The following WWOX variants were observed in gnomAD, a reference collection of about 807,000 sequenced individuals.
The protein encoded by WWOX is WW domain containing oxidoreductase, also known as WW domain-containing oxidoreductase.
In WWOX, 69 loss-of-function variants were observed where a neutral mutation model predicts 46.2. That is an observed-to-expected ratio of 1.49 (90% confidence interval 1.23 to 1.82). The LOEUF is 1.82. WWOX is among the 40% of genes most tolerant of loss of function. WWOX has a pLI of 0.00. For missense variants in WWOX, 919 were observed against 542.6 expected (o/e 1.69, Z -6.89); for synonymous variants, 359 against 202.6 (o/e 1.77, Z -6.56).
chr16:78,981,761 C>T (rs1317117089), intron 8 of WWOX: 3 of 152,204 alleles, frequency 2.0e-5, no homozygotes, highest in Admixed American at 1.3e-4. Context: ...TACATCCCTG[C>T]ACGGTAGATA....
chr16:78,616,844 C>A (rs956993362), intron 8 of WWOX, among the ~76,000 whole-genome samples: 1 of 152,092 alleles, frequency 6.6e-6, no homozygotes, highest in African/African-American at 2.4e-5. Context: ...ATAATTACCT[C>A]CCAAAGTCCG....
At chr16:79,090,674 G>A (rs2048941731) in intron 8 of WWOX, among the ~76,000 whole-genome samples, 1 of 152,186 alleles carries the variant, frequency 6.6e-6, no homozygotes, top group Non-Finnish European at 1.5e-5. Flanking sequence ...TGCAAGGGAG[G>A]AGGGGACGGC....
chr16:78,413,473 G>C (rs1420074019), intron 6 of WWOX, among the ~76,000 whole-genome samples: 1 of 152,172 alleles, frequency 6.6e-6, no homozygotes, highest in Non-Finnish European at 1.5e-5. Context: ...ATCTCACAAA[G>C]TACATTCTCA....
At chr16:78,732,084 A>C (rs556362981) in intron 8 of WWOX, among the ~76,000 whole-genome samples, 4 of 152,208 alleles carry the variant, frequency 2.6e-5, no homozygotes, top group East Asian at 3.9e-4. Context: ...GGCTAGTCTC[A>C]AACTCATGCC....
chr16:78,346,855 C>CT (rs1362237808), intron 5 of WWOX, among the ~76,000 whole-genome samples: 1 of 119,214 alleles, frequency 8.4e-6, no homozygotes, highest in Admixed American at 8.2e-5. Context: ...CAGAAGCCTG[C>CT]TACCATGCCT....
intron 8 of WWOX, among the ~76,000 whole-genome samples, chr16:78,878,034 A>T (rs1305776580): frequency 6.6e-6 from 1 of 152,190 alleles, no homozygotes; most frequent in Non-Finnish European, 1.5e-5. Flanking sequence ...TTGCGTCACC[A>T]GAGAGGAAGA....
At chr16:78,774,611 C>G (rs1275142377) in intron 8 of WWOX, among the ~76,000 whole-genome samples, 1 of 151,824 alleles carries the variant, frequency 6.6e-6, no homozygotes, top group Non-Finnish European at 1.5e-5. Flanking sequence ...TAAGGTAGTT[C>G]CTGGCACATG....
intron 7 of WWOX, among the ~76,000 whole-genome samples, chr16:78,431,620 G>C (rs75329709): frequency 0.011 from 1,694 of 151,342 alleles, 24 homozygotes; most frequent in African/African-American, 0.039. Context: ...GGTGGGGAGA[G>C]AGTTCAGTAT....
chr16:78,526,352 C>G (rs957664905), intron 8 of WWOX: 2 of 152,264 alleles, frequency 1.3e-5, no homozygotes, highest in African/African-American at 4.8e-5. Flanking sequence ...GCTGAGCCCC[C>G]CTTCCACTGG....
At chr16:79,207,740 T>G (rs1188657777) in intron 8 of WWOX, among the ~76,000 whole-genome samples, 1 of 152,208 alleles carries the variant, frequency 6.6e-6, no homozygotes, top group Admixed American at 6.5e-5. Flanking sequence ...CCTGTGAGTA[T>G]TATATTAGAG....
chr16:78,959,772 C>A (rs1045519365), intron 8 of WWOX, among the ~76,000 whole-genome samples: 12 of 152,142 alleles, frequency 7.9e-5, no homozygotes, highest in African/African-American at 2.4e-4. Flanking sequence ...GAATCCGAGA[C>A]AAGTGAGGGA....
rs551052319 is a variant in WWOX, at chr16:78,268,222, GA to G, written c.516+103937del. 2.3e-3 allele frequency among the ~76,000 whole-genome samples: 348 copies of G among 152,250 alleles called. 1 individual carries two copies. Among genetic ancestry groups the G allele is most frequent in the African/African-American group, 7.8e-3 (326 of 41,548 alleles). ...TTGAAAAGTGGCTACAAATAAAAGG[GA>G]AAATATAGTATTCCTTAAAAAAAAA... On this transcript the variant is annotated intron_variant, in intron 5 of 8. Transcript: ENST00000566780.
intron 5 of WWOX, among the ~76,000 whole-genome samples, chr16:78,213,853 A>T (rs2036634981): frequency 6.6e-6 from 1 of 152,170 alleles, no homozygotes; most frequent in African/African-American, 2.4e-5. Context: ...CTGAGTGACA[A>T]GCCCTGGAGA....
chr16:79,086,909 G>C (rs1479234332), intron 8 of WWOX, among the ~76,000 whole-genome samples: 1 of 152,168 alleles, frequency 6.6e-6, no homozygotes, highest in African/African-American at 2.4e-5. Flanking sequence ...AAGAGTTTAT[G>C]TGTTCAGTAA....
intron 6 of WWOX, among the ~76,000 whole-genome samples, chr16:78,408,565 C>G (rs8048059): frequency 0.096 from 14,615 of 152,226 alleles, 1,074 homozygotes; most frequent in African/African-American, 0.19. Context: ...AAGACTGTAT[C>G]ACAGGGAACT....
intron 8 of WWOX, among the ~76,000 whole-genome samples, chr16:78,618,881 A>G (rs1357334133): frequency 6.6e-6 from 1 of 151,564 alleles, no homozygotes; most frequent in East Asian, 2.0e-4. Context: ...GGATGTGCCC[A>G]GCATGGATCT....
At chr16:78,119,489 G>T (rs2032982657) in intron 4 of WWOX, among the ~76,000 whole-genome samples, 1 of 152,188 alleles carries the variant, frequency 6.6e-6, no homozygotes, top group Non-Finnish European at 1.5e-5. Flanking sequence ...ATGCCTAAAT[G>T]TGGGACCACC....
At chr16:78,625,888 A>G (rs906221244) in intron 8 of WWOX, among the ~76,000 whole-genome samples, 3 of 150,368 alleles carry the variant, frequency 2.0e-5, no homozygotes, top group Non-Finnish European at 3.0e-5. Flanking sequence ...AAGTAATGCA[A>G]TTACTTAAAA....
At chr16:78,560,237 T>G (rs913355879) in intron 8 of WWOX, among the ~76,000 whole-genome samples, 12 of 152,238 alleles carry the variant, frequency 7.9e-5, no homozygotes, top group African/African-American at 2.7e-4. Context: ...GAAATCTGTT[T>G]GGATCTGAAA....
Sources: allele counts gnomAD v4.1 joint callset (sites outside exome capture counted in the v4.1 genomes callset), GRCh38; gene constraint gnomAD v4.1.1; transcripts MANE v1.5; gene names NCBI Gene and HGNC (gene_info 2026-07-23, HGNC 2026-07-21).